Variants in SHC3 observed in about 807,000 individuals in gnomAD.
SHC3 encodes the protein SHC adaptor protein 3.
A neutral mutation model predicts 60.4 loss-of-function variants in SHC3; 15 were observed. The observed-to-expected ratio is 0.25, with a 90% confidence interval of 0.17 to 0.38. SHC3 has a LOEUF of 0.38. Ranked by LOEUF, SHC3 falls within the 10% of genes least tolerant of loss-of-function variation. The pLI, the probability that SHC3 is intolerant of heterozygous loss-of-function variation, is 1.00. For missense variants in SHC3, 677 were observed against 786.1 expected (o/e 0.86, Z 1.66); for synonymous variants, 294 against 325.9 (o/e 0.90, Z 1.05).
chr9:89,059,032 G>A (rs547622622), intron 6 of SHC3, among the ~76,000 whole-genome samples: 12 of 149,780 alleles, frequency 8.0e-5, no homozygotes, highest in Admixed American at 2.0e-4. Flanking sequence ...GGTGGAGAAC[G>A]TGGTGGAGGA....
intron 11 of SHC3, among the ~76,000 whole-genome samples, chr9:89,016,135 G>T (rs1826089373): frequency 6.6e-6 from 1 of 151,538 alleles, no homozygotes; most frequent in Admixed American, 6.6e-5. Flanking sequence ...AAAAAAAGAT[G>T]ATAAGGCCCA....
At chr9:89,110,486 C>T in intron 2 of SHC3, 1 of 982,842 alleles carries the variant, frequency 1.0e-6, no homozygotes, top group Non-Finnish European at 1.2e-6. Flanking sequence ...ACTTAGTTAC[C>T]ATGGAGACCT....
chr9:89,176,098 G>T (rs1826938908), intron 1 of SHC3, among the ~76,000 whole-genome samples: 1 of 152,122 alleles, frequency 6.6e-6, no homozygotes, highest in South Asian at 2.1e-4. Context: ...ATGGTACAGA[G>T]CCCTAATTAG....
chr9:89,087,693 C>A (rs766509969), intron 2 of SHC3, among the ~76,000 whole-genome samples: 7 of 152,246 alleles, frequency 4.6e-5, no homozygotes, highest in Non-Finnish European at 1.0e-4. Flanking sequence ...AAATTCTAAG[C>A]CCACCAACCA....
chr9:89,091,014 G>A (rs1347414819), intron 2 of SHC3, among the ~76,000 whole-genome samples: 1 of 152,138 alleles, frequency 6.6e-6, no homozygotes, highest in Admixed American at 6.5e-5. Flanking sequence ...GGTATTGGGG[G>A]ACATAAAGCA....
rs903275401 is a variant in SHC3 at position 89,013,245 on chromosome 9, A to G, written c.*202T>C. ...TAGAGGGATAATTTGTACAGGATGT[A>G]TAGGTATGTACACCTTTAATATGCA... is the stretch of plus-strand genomic sequence containing the variant. On this transcript the variant is annotated 3_prime_UTR_variant, in exon 12 of 12. Coordinates refer to ENST00000375835, the MANE Select transcript of SHC3 (RefSeq NM_016848.6). 7.4e-6 allele frequency: 3 copies of G among 407,278 alleles called. No homozygotes were observed. Among genetic ancestry groups the G allele is most frequent in the Non-Finnish European group, 1.3e-5 (3 of 236,166 alleles). 25.2% of individuals were successfully genotyped at this position (407,278 alleles called of 1,614,324 possible). A position where few individuals can be genotyped will look rare whatever the true frequency, so the allele number is the denominator to read the frequency against.
In SHC3 at chr9:89,079,957, G is replaced by A. The variant is rs533419087; in HGVS notation, c.546-2054C>T. 1.4e-4 allele frequency among the ~76,000 whole-genome samples: 21 copies of A among 152,238 alleles called. 1 individual carries two copies. The South Asian group carries it at 4.1e-3, about 30-fold the overall frequency. On this transcript the variant is annotated intron_variant, in intron 2 of 11. Transcript: ENST00000375835. ...CTTCCTAATGCTCATACGATAACAC[G>A]TGTGTGTGAATTCTCATTTCAACCA...
At chr9:89,051,972 G>T (rs1824868474) in intron 7 of SHC3, 65 bp downstream of exon 7, 2 of 1,594,552 alleles carry the variant, frequency 1.3e-6, no homozygotes, top group Admixed American at 3.4e-5. Context: ...CAGGGATGTG[G>T]TTTTAAGAGG....
chr9:89,088,265 G>T (rs1825564536), intron 2 of SHC3, among the ~76,000 whole-genome samples: 1 of 152,180 alleles, frequency 6.6e-6, no homozygotes, highest in Admixed American at 6.5e-5. Context: ...TGCCAATCAG[G>T]AAAATCTTTC....
chr9:89,131,152 AT>A (rs1392524656), intron 1 of SHC3, among the ~76,000 whole-genome samples: 3 of 152,204 alleles, frequency 2.0e-5, no homozygotes, highest in East Asian at 1.9e-4. Flanking sequence ...AAACTAAAAA[AT>A]CTAGGAGAAA....
intron 1 of SHC3, among the ~76,000 whole-genome samples, chr9:89,145,519 C>T (rs1336942937): frequency 2.6e-5 from 4 of 152,194 alleles, no homozygotes; most frequent in Middle Eastern, 3.4e-3. Flanking sequence ...ATGGACAAAA[C>T]GATAAGATGA....
intron 5 of SHC3, 90 bp from the exon 6 acceptor site, chr9:89,065,670 A>G: frequency 7.7e-7 from 1 of 1,298,380 alleles, no homozygotes; most frequent in Non-Finnish European, 1.1e-6. Context: ...GTGAGCTTAG[A>G]AGGACTCAAC....
intron 8 of SHC3, among the ~76,000 whole-genome samples, chr9:89,046,509 A>C (rs891547120): frequency 1.2e-4 from 19 of 152,080 alleles, no homozygotes; most frequent in Admixed American, 7.9e-4. Context: ...CAGAGAACCC[A>C]ATGCCTCCCA....
intron 1 of SHC3, among the ~76,000 whole-genome samples, chr9:89,144,365 G>A (rs1171403909): frequency 6.6e-6 from 1 of 152,230 alleles, no homozygotes; most frequent in Non-Finnish European, 1.5e-5. Context: ...TCAAACTGGA[G>A]TATGCACTGG....
At chr9:89,147,424 T>A (rs989264674) in intron 1 of SHC3, among the ~76,000 whole-genome samples, 1 of 152,140 alleles carries the variant, frequency 6.6e-6, no homozygotes. Flanking sequence ...CAAACTGAAT[T>A]TTCAGCAACA....
chr9:89,175,468 C>G (rs1048445670), intron 1 of SHC3, among the ~76,000 whole-genome samples: 2 of 152,230 alleles, frequency 1.3e-5, no homozygotes, highest in African/African-American at 4.8e-5. Context: ...GATCAAAATT[C>G]ACCAGACTTC....
In SHC3 at chr9:89,007,099, G is replaced by A. The variant is rs2118616926; in HGVS notation, c.*6348C>T. ...TTTTCCAGACCTAGGGAAGGAGCCT[G>A]TGTGTTTTTGGCCTGAAGGATTCAT... On this transcript the variant is annotated 3_prime_UTR_variant, in exon 12 of 12. Transcript: ENST00000375835. The A allele has an allele frequency of 6.6e-6, 1 of 152,324 alleles. No individual in the cohort carries two copies. Among genetic ancestry groups the A allele is most frequent in the Admixed American group, 6.5e-5 (1 of 15,306 alleles). The allele number at this position is 152,324 out of a possible 1,614,324, so 9.4% of individuals were successfully genotyped here.
At chr9:89,127,391 A>G (rs1224415346) in intron 1 of SHC3, among the ~76,000 whole-genome samples, 9 of 152,126 alleles carry the variant, frequency 5.9e-5, no homozygotes, top group Non-Finnish European at 1.5e-5. Context: ...AAACAGTGCT[A>G]TGGTTAAAAG....
At chr9:89,154,845 A>C (rs956220719) in intron 1 of SHC3, among the ~76,000 whole-genome samples, 1 of 152,196 alleles carries the variant, frequency 6.6e-6, no homozygotes, top group Non-Finnish European at 1.5e-5. Flanking sequence ...AATGCAATAG[A>C]CCACATCTGC....
Sources: allele counts gnomAD v4.1 joint callset (sites outside exome capture counted in the v4.1 genomes callset), GRCh38; gene constraint gnomAD v4.1.1; transcripts MANE v1.5; gene names NCBI Gene and HGNC (gene_info 2026-07-23, HGNC 2026-07-21).